C4orf51: variants seen among roughly 807,000 people sequenced by gnomAD.
C4orf51 encodes chromosome 4 open reading frame 51.
Under a neutral mutation model 25.2 loss-of-function variants are expected in C4orf51, and 25 were observed. That is an observed-to-expected ratio of 0.99 (90% CI 0.72 to 1.39). C4orf51 has a LOEUF of 1.39. C4orf51 is among the 40% of genes most tolerant of loss of function. The pLI, the probability that C4orf51 is intolerant of heterozygous loss-of-function variation, is 0.00. For synonymous variants in C4orf51, 100 were observed against 84.5 expected (o/e 1.18, Z -1.01); for missense variants, 252 against 239.6 (o/e 1.05, Z -0.34).
downstream of C4orf51, among the ~76,000 whole-genome samples, chr4:145,775,543 A>C (rs1053407687): frequency 1.3e-5 from 2 of 151,894 alleles, no homozygotes; most frequent in South Asian, 2.1e-4. Flanking sequence ...CTCTGTCTGG[A>C]GCTCCACCCC....
chr4:145,768,858 CAAAAA>C (rs1174930111), intron 1 of C4orf51, among the ~76,000 whole-genome samples: 9 of 4,516 alleles, frequency 2.0e-3, no homozygotes, highest in African/African-American at 5.0e-3. Context: ...GACTCCGTCT[CAAAAA>C]AAAAAAAAAA....
intron 1 of C4orf51, among the ~76,000 whole-genome samples, chr4:145,739,216 A>G (rs543294800): frequency 8.2e-4 from 125 of 152,256 alleles, no homozygotes; most frequent in Admixed American, 2.8e-3. Flanking sequence ...ATTTAGTAAT[A>G]TAATTTCTCA....
intron 2 of C4orf51, among the ~76,000 whole-genome samples, chr4:145,706,658 T>G (rs368854719): frequency 4.6e-5 from 7 of 152,242 alleles, no homozygotes; most frequent in African/African-American, 7.2e-5. Context: ...CTTTTTTTTT[T>G]GGGACAGAGT....
At chr4:145,720,510 G>C (rs910993940) in intron 2 of C4orf51, among the ~76,000 whole-genome samples, 1 of 152,126 alleles carries the variant, frequency 6.6e-6, no homozygotes, top group Non-Finnish European at 1.5e-5. Flanking sequence ...CCACCTGTCG[G>C]CTGAGCTGTT....
chr4:145,725,454 G>A (rs1021863037), intron 2 of C4orf51, among the ~76,000 whole-genome samples: 1 of 152,132 alleles, frequency 6.6e-6, no homozygotes, highest in East Asian at 1.9e-4. Context: ...CACTAGAAAT[G>A]AAAACACATG....
At chr4:145,692,537 A>C (rs1381533651) in intron 1 of C4orf51, among the ~76,000 whole-genome samples, 1 of 152,214 alleles carries the variant, frequency 6.6e-6, no homozygotes, top group Non-Finnish European at 1.5e-5. Flanking sequence ...TCATACGCCC[A>C]GGTGATTCAA....
chr4:145,776,919 G>T, the C4orf51 span, among the ~76,000 whole-genome samples: 1 of 152,068 alleles, frequency 6.6e-6, no homozygotes, highest in Non-Finnish European at 1.5e-5. Flanking sequence ...TTCTGAATTC[G>T]TTTGATTAAT....
intron 4 of C4orf51, 89 bp downstream of exon 4, chr4:145,729,318 T>TTTTG (rs1421246462): frequency 1.0e-5 from 9 of 864,512 alleles, no homozygotes; most frequent in Non-Finnish European, 1.6e-5. Context: ...TTTTTTTTTT[T>TTTTG]TTTGAGATGG....
chr4:145,754,660 C>T (rs181993553), downstream of C4orf51, among the ~76,000 whole-genome samples: 16 of 152,322 alleles, frequency 1.1e-4, no homozygotes, highest in East Asian at 3.9e-4. Context: ...TTAAGCCGGG[C>T]GCAGTGGCTC....
the C4orf51 span, among the ~76,000 whole-genome samples, chr4:145,787,551 G>A: frequency 2.0e-5 from 3 of 151,728 alleles, no homozygotes; most frequent in African/African-American, 7.3e-5. Flanking sequence ...AGATGTAAGA[G>A]TTAACAGCCT....
chr4:145,742,684 C>T (rs572025437), intron 1 of C4orf51, among the ~76,000 whole-genome samples: 4 of 152,076 alleles, frequency 2.6e-5, no homozygotes, highest in South Asian at 2.1e-4. Context: ...AGATTACAGG[C>T]GCCCGCCACC....
chr4:145,705,489 C>A (rs1658562044), intron 2 of C4orf51, among the ~76,000 whole-genome samples: 1 of 152,152 alleles, frequency 6.6e-6, no homozygotes, highest in Admixed American at 6.5e-5. Context: ...GTCCAGTACC[C>A]CAATTCTTTG....
chr4:145,779,241 G>C, the C4orf51 span: 1 of 1,225,696 alleles, frequency 8.2e-7, no homozygotes, highest in South Asian at 1.8e-5. Context: ...ACATGCCAGA[G>C]AAAATGGCTT....
intron 2 of C4orf51, among the ~76,000 whole-genome samples, chr4:145,724,902 A>AG (rs1731963567): frequency 6.7e-6 from 1 of 148,796 alleles, no homozygotes; most frequent in East Asian, 1.9e-4. Context: ...AAAAAAAAAA[A>AG]AGAAAGAAAA....
chr4:145,737,127 A>G (rs1272241053), downstream of C4orf51, among the ~76,000 whole-genome samples: 1 of 152,072 alleles, frequency 6.6e-6, no homozygotes, highest in African/African-American at 2.4e-5. Context: ...GCTAAATTTC[A>G]TGTTCATCAA....
At chr4:145,776,777 G>A in the C4orf51 span, among the ~76,000 whole-genome samples, 1 of 152,154 alleles carries the variant, frequency 6.6e-6, no homozygotes, top group Non-Finnish European at 1.5e-5. Context: ...ATGAAATTAA[G>A]GGGAAAAAAT....
intron 2 of C4orf51, among the ~76,000 whole-genome samples, chr4:145,716,412 A>C (rs1303425406): frequency 6.6e-6 from 1 of 152,224 alleles, no homozygotes. Context: ...ATGTGATGCC[A>C]GAGAGCTCAG....
At chr4:145,728,166 C>G (rs1421128011) in intron 3 of C4orf51, among the ~76,000 whole-genome samples, 1 of 150,648 alleles carries the variant, frequency 6.6e-6, no homozygotes, top group East Asian at 1.9e-4. Context: ...GTAAAATCAT[C>G]TCTTCAGGGT....
At chr4:145,690,718 A>G (rs955631148) in intron 1 of C4orf51, among the ~76,000 whole-genome samples, 1 of 152,140 alleles carries the variant, frequency 6.6e-6, no homozygotes, top group African/African-American at 2.4e-5. Context: ...GAGAGAAAAT[A>G]TTTTTAATCT....
Sources: gnomAD v4.1 joint callset for allele counts (sites outside exome capture counted in the v4.1 genomes callset) on GRCh38, gnomAD v4.1.1 for gene constraint, MANE v1.5 for transcripts, NCBI Gene and HGNC (gene_info 2026-07-23, HGNC 2026-07-21) for gene names.